Variants in ARHGAP15 observed in about 807,000 individuals in gnomAD.
ARHGAP15 encodes the protein rho GTPase-activating protein 15.
A neutral mutation model predicts 63.7 loss-of-function variants in ARHGAP15; 51 were observed. The observed-to-expected ratio is 0.80, with a 90% CI of 0.64 to 1.01. The LOEUF is 1.01. Among genes scored for constraint, ARHGAP15 ranks in the 50% least tolerant of loss-of-function variants. The pLI, the probability that ARHGAP15 is intolerant of heterozygous loss-of-function variation, is 0.00. For synonymous variants in ARHGAP15, 191 were observed against 193.8 expected (o/e 0.99, Z 0.12); for missense variants, 560 against 564.6 (o/e 0.99, Z 0.08).
At chr2:143,424,804 T>C (rs4608463) in intron 6 of ARHGAP15, among the ~76,000 whole-genome samples, 135,305 of 152,110 alleles carry the variant, frequency 0.89, 60,550 homozygotes, top group Middle Eastern at 0.97. Context: ...TTTCTCACAC[T>C]AGATTAGAAG....
rs548142491 is a variant in ARHGAP15, at chr2:143,686,688, A to C, written c.1139-16731A>C. The stretch of plus-strand genomic sequence containing the variant: ...TCAAATCACTTTTAATCACAGGGCC[A>C]ATTTCCTGTGCTTAAATGTGTCTGG... On this transcript the variant is annotated intron_variant, in intron 12 of 13. Coordinates refer to ENST00000295095, the MANE Select transcript of ARHGAP15 (RefSeq NM_018460.4). 2.2e-3 allele frequency among the ~76,000 whole-genome samples: 333 copies of C among 152,258 alleles called. 1 individual carries two copies. Among genetic ancestry groups the C allele is most frequent in the Non-Finnish European group, 3.4e-3 (233 of 68,018 alleles).
At chr2:143,529,658 G>T (rs2105011531) in intron 10 of ARHGAP15, among the ~76,000 whole-genome samples, 1 of 152,104 alleles carries the variant, frequency 6.6e-6, no homozygotes, top group South Asian at 2.1e-4. Context: ...TTTTTCTAAT[G>T]GCCTATTCCT....
chr2:143,688,217 AT>A (rs1683436942), intron 12 of ARHGAP15, among the ~76,000 whole-genome samples: 1 of 152,264 alleles, frequency 6.6e-6, no homozygotes, highest in South Asian at 2.1e-4. Context: ...TTTCAATACC[AT>A]TATTATAGAT....
At chr2:143,584,787 C>T (rs1348796813) in intron 11 of ARHGAP15, among the ~76,000 whole-genome samples, 2 of 152,112 alleles carry the variant, frequency 1.3e-5, no homozygotes, top group African/African-American at 4.8e-5. Flanking sequence ...ATTATGTTTG[C>T]ACCAACATAA....
intron 12 of ARHGAP15, among the ~76,000 whole-genome samples, chr2:143,681,195 G>A (rs1378412842): frequency 1.3e-5 from 2 of 152,274 alleles, no homozygotes; most frequent in African/African-American, 2.4e-5. Context: ...GACTCTAGGG[G>A]GAAATCAGTG....
chr2:143,644,372 T>C (rs1174960038), intron 12 of ARHGAP15, among the ~76,000 whole-genome samples: 1 of 151,996 alleles, frequency 6.6e-6, no homozygotes, highest in Non-Finnish European at 1.5e-5. Flanking sequence ...GACAGAAAGT[T>C]AGAGAGTGAC....
chr2:143,337,658 G>C (rs959779817), intron 6 of ARHGAP15, among the ~76,000 whole-genome samples: 5 of 151,862 alleles, frequency 3.3e-5, no homozygotes, highest in Admixed American at 2.6e-4. Flanking sequence ...TTAGGTTTTC[G>C]TACTTTTGGG....
chr2:143,533,522 A>G (rs982742637), intron 10 of ARHGAP15, among the ~76,000 whole-genome samples: 11 of 152,042 alleles, frequency 7.2e-5, no homozygotes, highest in Admixed American at 6.6e-4. Context: ...CCTTATTCAC[A>G]CTTTTGAGTA....
intron 10 of ARHGAP15, among the ~76,000 whole-genome samples, chr2:143,551,971 A>G (rs1227461905): frequency 6.6e-6 from 1 of 152,190 alleles, no homozygotes; most frequent in Non-Finnish European, 1.5e-5. Context: ...TTAGCTCAGA[A>G]CCCAAGTAGA....
intron 10 of ARHGAP15, among the ~76,000 whole-genome samples, chr2:143,552,536 C>G (rs773347103): frequency 1.3e-5 from 2 of 149,640 alleles, no homozygotes; most frequent in African/African-American, 2.5e-5. Context: ...CTATCCCAGT[C>G]TAAGCTTCTT....
At chr2:143,204,968 C>T (rs116778170) in intron 3 of ARHGAP15, among the ~76,000 whole-genome samples, 6 of 151,486 alleles carry the variant, frequency 4.0e-5, no homozygotes, top group African/African-American at 1.5e-4. Context: ...AACAAACAAA[C>T]AAAACCCATA....
chr2:143,676,256 T>C (rs1159570213), intron 12 of ARHGAP15: 2 of 152,286 alleles, frequency 1.3e-5, no homozygotes, highest in East Asian at 3.8e-4. Flanking sequence ...TCGAGCCCAC[T>C]CAAATTTTCT....
intron 2 of ARHGAP15, among the ~76,000 whole-genome samples, chr2:143,169,327 G>A (rs968445227): frequency 1.3e-5 from 2 of 151,970 alleles, no homozygotes; most frequent in Non-Finnish European, 2.9e-5. Flanking sequence ...GTCCAGCCAG[G>A]CCCCCTTCAT....
At chr2:143,329,673 C>T (rs1684417522) in intron 6 of ARHGAP15, among the ~76,000 whole-genome samples, 1 of 152,100 alleles carries the variant, frequency 6.6e-6, no homozygotes, top group African/African-American at 2.4e-5. Context: ...TACACAGCCA[C>T]AGACAACTAG....
At chr2:143,378,986 TTTTA>T (rs988761921) in intron 6 of ARHGAP15, among the ~76,000 whole-genome samples, 5 of 151,872 alleles carry the variant, frequency 3.3e-5, no homozygotes, top group Admixed American at 1.3e-4. Context: ...TTTTTTTATT[TTTTA>T]TTTATTTATT....
chr2:143,446,969 A>G (rs1690171758), intron 8 of ARHGAP15, among the ~76,000 whole-genome samples: 1 of 152,084 alleles, frequency 6.6e-6, no homozygotes, highest in Non-Finnish European at 1.5e-5. Context: ...CCTCATTTTT[A>G]TGGCTGCATA....
At chr2:143,532,675 C>T (rs942526508) in intron 10 of ARHGAP15, among the ~76,000 whole-genome samples, 5 of 152,130 alleles carry the variant, frequency 3.3e-5, no homozygotes, top group Non-Finnish European at 7.3e-5. Context: ...GCAAAAACAA[C>T]TGTCAGGGAC....
intron 6 of ARHGAP15, among the ~76,000 whole-genome samples, chr2:143,346,222 ACACACACTCTCTCT>A (rs1359155028): frequency 6.6e-5 from 8 of 120,660 alleles, no homozygotes; most frequent in African/African-American, 2.6e-4. Context: ...ACTCTCTCTC[ACACACACTCTCTCT>A]CACACACACA....
intron 10 of ARHGAP15, among the ~76,000 whole-genome samples, chr2:143,537,085 A>G (rs1368988487): frequency 2.6e-5 from 4 of 152,114 alleles, no homozygotes; most frequent in African/African-American, 9.7e-5. Context: ...GTGAGATGGT[A>G]TCTCATTGTG....
Sources: allele counts gnomAD v4.1 joint callset (sites outside exome capture counted in the v4.1 genomes callset), GRCh38; gene constraint gnomAD v4.1.1; transcripts MANE v1.5; gene names NCBI Gene and HGNC (gene_info 2026-07-23, HGNC 2026-07-21).